The following PIP4K2A variants were observed in gnomAD, a reference collection of about 807,000 sequenced individuals.
The protein encoded by PIP4K2A is phosphatidylinositol 5-phosphate 4-kinase type-2 alpha.
In PIP4K2A, 14 loss-of-function variants were observed where a neutral mutation model predicts 42.9. That is an observed-to-expected ratio of 0.33 (90% CI 0.22 to 0.51). PIP4K2A has a LOEUF of 0.51. PIP4K2A is among the 20% of genes least tolerant of loss of function. The pLI, the probability that PIP4K2A is intolerant of heterozygous loss-of-function variation, is 0.97. For missense variants in PIP4K2A, 434 were observed against 519.8 expected (o/e 0.83, Z 1.61); for synonymous variants, 192 against 192.2 (o/e 1.00, Z 0.01).
intron 6 of PIP4K2A, among the ~76,000 whole-genome samples, chr10:22,556,810 T>C (rs1344891273): frequency 6.6e-6 from 1 of 152,204 alleles, no homozygotes; most frequent in Admixed American, 6.5e-5. Context: ...TGTGTATATA[T>C]AATACATTTA....
At chr10:22,687,544 GACAC>G (rs137860168) in intron 1 of PIP4K2A, among the ~76,000 whole-genome samples, 8 of 149,948 alleles carry the variant, frequency 5.3e-5, no homozygotes, top group East Asian at 2.0e-4. Flanking sequence ...TACGAAAGCA[GACAC>G]ACACACACAC....
chr10:22,604,720 C>G (rs1837869773), intron 3 of PIP4K2A, among the ~76,000 whole-genome samples: 2 of 152,164 alleles, frequency 1.3e-5, no homozygotes, highest in African/African-American at 2.4e-5. Context: ...CCAGGAGTGA[C>G]AGAGGCGGCC....
At chr10:22,676,020 C>T (rs1211806331) in intron 1 of PIP4K2A, among the ~76,000 whole-genome samples, 2 of 152,216 alleles carry the variant, frequency 1.3e-5, no homozygotes, top group African/African-American at 2.4e-5. Flanking sequence ...CCCTGTGCTC[C>T]ATGATGGCAC....
At chr10:22,713,793 A>ACCCGGC (rs1833958432) in intron 1 of PIP4K2A, 1 of 154,754 alleles carries the variant, frequency 6.5e-6, no homozygotes, top group Admixed American at 6.5e-5. Context: ...GGTCGCCCGG[A>ACCCGGC]CCCGGCCCCC....
At chr10:22,691,492 G>C (rs1272130324) in intron 1 of PIP4K2A, 1 of 152,080 alleles carries the variant, frequency 6.6e-6, no homozygotes, top group African/African-American at 2.4e-5. Flanking sequence ...TTGTTTTCCA[G>C]AAGTTCTTAT....
chr10:22,569,477 G>T (rs1418311460), intron 5 of PIP4K2A, among the ~76,000 whole-genome samples: 2 of 152,164 alleles, frequency 1.3e-5, no homozygotes, highest in Admixed American at 1.3e-4. Context: ...TTCCTTTAGG[G>T]ATTCCTGAAT....
Position 22,676,216 on chromosome 10 carries a change from TCAATAAGACCCTTGAC to T in PIP4K2A, c.144+37951_144+37966del, listed in dbSNP as rs1839555285. Among the ~76,000 whole-genome samples the T allele has an allele frequency of 1.7e-4, 26 of 152,290 alleles. 1 individual carries two copies. In the South Asian group the frequency reaches 5.4e-3, roughly 32 times the overall value. On this transcript the variant is annotated intron_variant, in intron 1 of 9. Transcript: ENST00000376573. ...CTTTCATTTCCCAAGTTTCTTCTGC[TCAATAAGACCCTTGAC>T]CAACTTACATTAAACAGCAAATAAA...
intron 1 of PIP4K2A, among the ~76,000 whole-genome samples, chr10:22,635,511 T>C (rs747705173): frequency 2.0e-5 from 3 of 152,194 alleles, no homozygotes; most frequent in African/African-American, 4.8e-5. Context: ...ACTGAGTTTG[T>C]CTGAGGAGGA....
At chr10:22,591,910 A>C in intron 3 of PIP4K2A, 129 bp from the exon 4 acceptor site, 2 of 750,350 alleles carry the variant, frequency 2.7e-6, no homozygotes, top group East Asian at 5.6e-5. Context: ...GGATAAATTG[A>C]TAAGTAGGAT....
chr10:22,688,399 T>C (rs746770173), intron 1 of PIP4K2A, among the ~76,000 whole-genome samples: 14 of 152,190 alleles, frequency 9.2e-5, no homozygotes, highest in South Asian at 2.1e-4. Flanking sequence ...ACGTGGTTCT[T>C]TGATAGTAGT....
intron 1 of PIP4K2A, among the ~76,000 whole-genome samples, chr10:22,701,134 T>C (rs1280924016): frequency 6.6e-6 from 1 of 152,198 alleles, no homozygotes; most frequent in Non-Finnish European, 1.5e-5. Context: ...AGTTTATTAA[T>C]CCTCTTCTGT....
At chr10:22,584,512 A>G (rs968611054) in intron 4 of PIP4K2A, among the ~76,000 whole-genome samples, 2 of 152,168 alleles carry the variant, frequency 1.3e-5, no homozygotes, top group Non-Finnish European at 2.9e-5. Flanking sequence ...GGTGAGGCTG[A>G]AAGAGAAAAG....
chr10:22,621,538 G>A (rs1013355144), intron 1 of PIP4K2A, among the ~76,000 whole-genome samples: 2 of 152,242 alleles, frequency 1.3e-5, no homozygotes, highest in Non-Finnish European at 2.9e-5. Flanking sequence ...GAAGGTGCTA[G>A]ATGATACCAA....
At chr10:22,560,242 G>A (rs561978614) in intron 6 of PIP4K2A, among the ~76,000 whole-genome samples, 48 of 152,236 alleles carry the variant, frequency 3.2e-4, no homozygotes, top group Middle Eastern at 3.4e-3. Flanking sequence ...CCGATGATCC[G>A]CCCACAGTGG....
chr10:22,582,640 C>A (rs1837305100), intron 4 of PIP4K2A, among the ~76,000 whole-genome samples: 1 of 151,638 alleles, frequency 6.6e-6, no homozygotes. Flanking sequence ...CCTTACTGTG[C>A]CATGGGCTAT....
chr10:22,712,335 G>T (rs1163994319), intron 1 of PIP4K2A, among the ~76,000 whole-genome samples: 1 of 151,946 alleles, frequency 6.6e-6, no homozygotes, highest in Non-Finnish European at 1.5e-5. Context: ...GAATTCAGAC[G>T]AGTTCCCAGA....
chr10:22,686,404 T>C (rs1228358908), intron 1 of PIP4K2A, among the ~76,000 whole-genome samples: 1 of 152,178 alleles, frequency 6.6e-6, no homozygotes, highest in Non-Finnish European at 1.5e-5. Context: ...AGACTTTTCT[T>C]CCTGTTAGTT....
intron 1 of PIP4K2A, among the ~76,000 whole-genome samples, chr10:22,690,825 A>G (rs902006034): frequency 2.0e-5 from 3 of 152,248 alleles, no homozygotes; most frequent in Non-Finnish European, 4.4e-5. Flanking sequence ...TTATTATGCA[A>G]TGCTGCATTG....
At chr10:22,592,751 G>A (rs1270272046) in intron 3 of PIP4K2A, among the ~76,000 whole-genome samples, 2 of 152,140 alleles carry the variant, frequency 1.3e-5, no homozygotes, top group Admixed American at 1.3e-4. Context: ...CCAGCCATGG[G>A]GTCTAGCAAA....
Sources: gnomAD v4.1 joint callset for allele counts (sites outside exome capture counted in the v4.1 genomes callset) on GRCh38, gnomAD v4.1.1 for gene constraint, MANE v1.5 for transcripts, NCBI Gene and HGNC (gene_info 2026-07-23, HGNC 2026-07-21) for gene names.